The following FTO variants were observed in gnomAD, a reference collection of about 807,000 sequenced individuals.
The protein encoded by FTO is alpha-ketoglutarate-dependent dioxygenase FTO.
Under a neutral mutation model 63.9 loss-of-function variants are expected in FTO, and 47 were observed. The ratio of observed to expected loss-of-function variants is 0.74; its 90% CI spans 0.58 to 0.94. The LOEUF (loss-of-function observed/expected upper bound fraction) is 0.94. FTO is among the 40% of genes least tolerant of loss of function. The probability of loss-of-function intolerance (pLI) is 0.00; values close to 1 mark genes in which losing one functional copy is unlikely to be tolerated. For synonymous variants in FTO, 207 were observed against 224.4 expected (o/e 0.92, Z 0.69); for missense variants, 562 against 618.1 (o/e 0.91, Z 0.96).
At position 53,839,806 on chromosome 16, in the gene FTO, TATTTATTTA is replaced by T. The variant is rs1567347105; in HGVS notation, c.752-4348_752-4340del. On this transcript the variant is annotated intron_variant, in intron 3 of 8. Coordinates refer to ENST00000471389, the MANE Select transcript of FTO (RefSeq NM_001080432.3). The stretch of plus-strand genomic sequence containing the variant: ...TTATTTATTTATTTATTTATTTATT[TATTTATTTA>T]TTTATTTTAAGGTGCAGTGTCACTA... 7.1e-3 allele frequency among the ~76,000 whole-genome samples: 786 copies of T among 111,170 alleles called. 12 individuals are homozygous for T. Among genetic ancestry groups the T allele is most frequent in the African/African-American group, 0.019 (665 of 34,924 alleles). The allele number at this position is 111,170 out of a possible 152,430, so 72.9% of individuals were successfully genotyped here. A position where few individuals can be genotyped will look rare whatever the true frequency, so the allele number is the denominator to read the frequency against.
At chr16:54,039,991 GGCT>G (rs1331925131) in intron 8 of FTO, 1 of 152,150 alleles carries the variant, frequency 6.6e-6, no homozygotes, top group Non-Finnish European at 1.5e-5. Context: ...TTCTAACCTT[GGCT>G]GCAGTTACAC....
At chr16:53,766,610 G>A (rs2077209006) in intron 1 of FTO, among the ~76,000 whole-genome samples, 1 of 152,174 alleles carries the variant, frequency 6.6e-6, no homozygotes, top group South Asian at 2.1e-4. Flanking sequence ...CCTTTGGACA[G>A]TCACATGACT....
rs546387993 is a variant in FTO at position 53,765,332 on chromosome 16, G to A, written c.46-44808G>A. Among the ~76,000 whole-genome samples the A allele has an allele frequency of 5.0e-3, 756 of 151,062 alleles. 6 individuals are homozygous for A. The highest frequency in any genetic ancestry group is 8.0e-3 in the Non-Finnish European group (543 of 67,754). ...AGCACTTTGGAAGGCCAAGGCAGGTGGATCACCTGAGGTCAGGAGTTCGAG... is the reference window on the plus strand; with the variant it reads ...AGCACTTTGGAAGGCCAAGGCAGGTAGATCACCTGAGGTCAGGAGTTCGAG... On this transcript the variant is annotated intron_variant, in intron 1 of 8. Coordinates refer to ENST00000471389, the MANE Select transcript of FTO (RefSeq NM_001080432.3).
chr16:53,951,975 A>G (rs74714619), intron 8 of FTO, among the ~76,000 whole-genome samples: 2,587 of 152,308 alleles, frequency 0.017, 62 homozygotes, highest in African/African-American at 0.058. Context: ...TTCAATCATA[A>G]TTATGCTATT....
intron 7 of FTO, among the ~76,000 whole-genome samples, chr16:53,923,500 G>A (rs1404659545): frequency 2.0e-5 from 3 of 152,168 alleles, no homozygotes; most frequent in African/African-American, 7.2e-5. Flanking sequence ...AAAATCAGTC[G>A]AGTGCTCTCT....
At chr16:53,735,827 T>A (rs1376263128) in intron 1 of FTO, among the ~76,000 whole-genome samples, 1 of 152,228 alleles carries the variant, frequency 6.6e-6, no homozygotes, top group African/African-American at 2.4e-5. Flanking sequence ...CAATATTGAA[T>A]CCTCTTTGGA....
intron 1 of FTO, among the ~76,000 whole-genome samples, chr16:53,747,829 G>A (rs909534375): frequency 1.3e-5 from 2 of 152,056 alleles, no homozygotes; most frequent in African/African-American, 4.8e-5. Context: ...GTCCATTTGA[G>A]TTGATTTTAG....
At chr16:53,774,765 G>T (rs550678546) in intron 1 of FTO, among the ~76,000 whole-genome samples, 4 of 152,054 alleles carry the variant, frequency 2.6e-5, no homozygotes, top group Non-Finnish European at 5.9e-5. Context: ...CAGGGTAGCC[G>T]CTCATCTGTC....
At chr16:53,828,789 A>C (rs781715378) in intron 3 of FTO, among the ~76,000 whole-genome samples, 1 of 152,220 alleles carries the variant, frequency 6.6e-6, no homozygotes, top group Non-Finnish European at 1.5e-5. Context: ...TTGAGGACAA[A>C]TATCCAGGCT....
At chr16:53,745,387 T>G (rs2045575550) in intron 1 of FTO, among the ~76,000 whole-genome samples, 1 of 152,196 alleles carries the variant, frequency 6.6e-6, no homozygotes, top group Non-Finnish European at 1.5e-5. Flanking sequence ...CTGGGAAACA[T>G]GCAGCTCTCT....
rs1599016225 is a variant in FTO, at chr16:53,929,128, C to T, written c.1240-4857C>T. Among the ~76,000 whole-genome samples, 4 of 152,282 alleles carry T rather than the reference C, an allele frequency of 2.6e-5. No homozygotes were observed. The East Asian group carries it at 7.7e-4, about 29-fold the overall frequency. On this transcript the variant is annotated intron_variant, in intron 7 of 8. Coordinates refer to ENST00000471389, the MANE Select transcript of FTO (RefSeq NM_001080432.3). ...AAAGTGCTGGGATTACAGGCATGAG[C>T]CACATGTCCTATGAGTTTTAACATC...
chr16:53,953,475 G>A (rs1240099014), intron 8 of FTO, among the ~76,000 whole-genome samples: 1 of 152,148 alleles, frequency 6.6e-6, no homozygotes, highest in Non-Finnish European at 1.5e-5. Flanking sequence ...TCTGATACAG[G>A]TAGGAGCCAA....
intron 1 of FTO, among the ~76,000 whole-genome samples, chr16:53,801,318 C>A (rs1203675102): frequency 6.6e-6 from 1 of 151,864 alleles, no homozygotes; most frequent in African/African-American, 2.4e-5. Flanking sequence ...TATTACTGTG[C>A]TTCACATGTA....
intron 7 of FTO, among the ~76,000 whole-genome samples, chr16:53,903,261 T>G (rs563781453): frequency 4.2e-4 from 64 of 152,060 alleles, no homozygotes; most frequent in Admixed American, 9.2e-4. Context: ...TTCTAGTTTT[T>G]TTTTTTTTTT....
intron 1 of FTO, among the ~76,000 whole-genome samples, chr16:53,778,433 C>T (rs916466018): frequency 6.6e-6 from 1 of 152,114 alleles, no homozygotes; most frequent in Admixed American, 6.5e-5. Flanking sequence ...TTTGGTACCG[C>T]TGGCTTGATT....
intron 4 of FTO, among the ~76,000 whole-genome samples, chr16:53,865,514 T>C (rs770965726): frequency 2.6e-5 from 4 of 152,242 alleles, no homozygotes; most frequent in East Asian, 1.9e-4. Context: ...TTGTGACTTA[T>C]TCACCTTCAG....
intron 1 of FTO, among the ~76,000 whole-genome samples, chr16:53,751,541 C>T (rs2076794439): frequency 2.0e-5 from 3 of 151,942 alleles, no homozygotes; most frequent in Non-Finnish European, 2.9e-5. Context: ...AAGTGAAAGC[C>T]AGATATGGAA....
chr16:53,764,755 T>A (rs1343780101), intron 1 of FTO, among the ~76,000 whole-genome samples: 5 of 152,152 alleles, frequency 3.3e-5, no homozygotes, highest in Non-Finnish European at 7.4e-5. Context: ...ACAGTTTCAC[T>A]GTAGCCCAGG....
chr16:53,945,140 A>G (rs2082624955), intron 8 of FTO, among the ~76,000 whole-genome samples: 1 of 152,170 alleles, frequency 6.6e-6, no homozygotes. Flanking sequence ...CAAAAGTGGG[A>G]GGCATCTTCC....
Sources: allele counts gnomAD v4.1 joint callset (sites outside exome capture counted in the v4.1 genomes callset), GRCh38; gene constraint gnomAD v4.1.1; transcripts MANE v1.5; gene names NCBI Gene and HGNC (gene_info 2026-07-23, HGNC 2026-07-21).